The following ADGRF1 variants were observed in gnomAD, a reference collection of about 807,000 sequenced individuals.
ADGRF1 encodes the protein G protein-coupled receptor 110.
In ADGRF1, 85 loss-of-function variants were observed where a neutral mutation model predicts 87.2. That is an observed-to-expected ratio of 0.97 (90% CI 0.82 to 1.17). The LOEUF is 1.17. ADGRF1 is among the 50% of genes most tolerant of loss of function. ADGRF1 has a pLI of 0.00. For synonymous variants in ADGRF1, 430 were observed against 408.8 expected (o/e 1.05, Z -0.63); for missense variants, 1,169 against 1,077.2 (o/e 1.09, Z -1.19).
chr6:47,017,558 CA>C (rs1346823952), intron 7 of ADGRF1: 5 of 151,972 alleles, frequency 3.3e-5, no homozygotes, highest in African/African-American at 1.2e-4. Flanking sequence ...ATAATAACTC[CA>C]AGGAATGGAA....
intron 1 of ADGRF1, among the ~76,000 whole-genome samples, chr6:47,041,805 A>T (rs1237518107): frequency 2.0e-5 from 3 of 152,220 alleles, no homozygotes; most frequent in Non-Finnish European, 2.9e-5. Context: ...GGGTTAACGT[A>T]TTATGAATTA....
intron 4 of ADGRF1, 109 bp downstream of exon 4, chr6:47,025,745 A>T: frequency 2.0e-6 from 2 of 1,019,744 alleles, no homozygotes; most frequent in Non-Finnish European, 2.8e-6. Context: ...TTATTCTTTT[A>T]AATCACAGAG....
At chr6:47,007,113 A>G in intron 12 of ADGRF1, 140 bp downstream of exon 12, 1 of 492,438 alleles carries the variant, frequency 2.0e-6, no homozygotes, top group Non-Finnish European at 3.7e-6. Context: ...ACTGAGCCTG[A>G]CTTCTCTAAA....
intron 7 of ADGRF1, chr6:47,018,517 A>T (rs1396018741): frequency 4.7e-6 from 6 of 1,289,636 alleles, no homozygotes; most frequent in Non-Finnish European, 6.1e-6. Context: ...ATTACAGAGT[A>T]TTTTCCTGCT....
At position 47,031,743 on chromosome 6, in the gene ADGRF1, C is replaced by T. The variant is rs535023066; in HGVS notation, c.-43-2639G>A. Among the ~76,000 whole-genome samples, 13 of 152,128 alleles carry T rather than the reference C, an allele frequency of 8.5e-5. No individual in the cohort carries two copies. The East Asian group carries it at 9.7e-4, about 11-fold the overall frequency. ...ATATTATAATTATAATTATTATTAT[C>T]GAGACATGTTCTTGCTCTGTCACCC... is the stretch of plus-strand genomic sequence containing the variant. On this transcript the variant is annotated intron_variant, in intron 1 of 14. Transcript: ENST00000371253.
At position 47,009,788 on chromosome 6, in the gene ADGRF1, G is replaced by A; in HGVS notation, c.1647C>T (p.Cys549=). The change falls in exon 11 of 15, where the codon TGC becomes TGT. Residue 549 remains cysteine, a synonymous_variant. Transcript: ENST00000371253. ...TGTCTTGAGTTTCATTCACTAGGTGGCAGCCTGCATCGTTCCACTGCAAAT... is the reference window on the plus strand; with the variant it reads ...TGTCTTGAGTTTCATTCACTAGGTGACAGCCTGCATCGTTCCACTGCAAAT... ...FSHLQWNDAG[C]HLVNETQDIV... 6.2e-7 allele frequency: 1 copy of A among 1,614,140 alleles called. No individual in the cohort carries two copies. The highest frequency in any genetic ancestry group is 1.3e-5 in the African/African-American group (1 of 75,044).
Position 47,029,247 on chromosome 6 carries a change from ACAT to A in ADGRF1, c.-43-146_-43-144del, listed in dbSNP as rs1350615178. On this transcript the variant is annotated intron_variant, in intron 1 of 14. Transcript: ENST00000371253. Reference sequence around the variant, plus strand: ...ATGTTTCCACTCCACGGAACCTGTGACATCATGACTTCTGCTCCCATTGCAGAT... The same window carrying A: ...ATGTTTCCACTCCACGGAACCTGTGACATGACTTCTGCTCCCATTGCAGAT... 8.5e-6 allele frequency: 5 copies of A among 589,278 alleles called. No individual in the cohort carries two copies. In the African/African-American group the frequency reaches 9.3e-5, roughly 11 times the overall value. The allele number at this position is 589,278 out of a possible 1,614,324, so 36.5% of individuals were successfully genotyped here. A position where few individuals can be genotyped will look rare whatever the true frequency, so the allele number is the denominator to read the frequency against.
At chr6:47,025,489 TC>T (rs1334828493) in intron 4 of ADGRF1, among the ~76,000 whole-genome samples, 1 of 152,318 alleles carries the variant, frequency 6.6e-6, no homozygotes, top group East Asian at 1.9e-4. Context: ...CATATCCTAG[TC>T]CCCTGAAGTT....
chr6:47,029,099 C>A lies in ADGRF1; in HGVS notation c.-38G>T, dbSNP rs1780335128. ...GAACAGCAGCAGTCGGGTGCATAGT[C>A]TGTGACTAAACAAGCAGGGTACCAG... On this transcript the variant is annotated 5_prime_UTR_variant, in exon 2 of 15. Coordinates refer to ENST00000371253, the MANE Select transcript of ADGRF1 (RefSeq NM_153840.4). 3.9e-6 allele frequency: 6 copies of A among 1,549,040 alleles called. No individual in the cohort carries two copies. The highest frequency in any genetic ancestry group is 5.4e-6 in the Non-Finnish European group (6 of 1,120,758).
At chr6:47,031,270 TTCTCTCTC>T (rs375425604) in intron 1 of ADGRF1, among the ~76,000 whole-genome samples, 5 of 146,110 alleles carry the variant, frequency 3.4e-5, no homozygotes, top group Non-Finnish European at 6.1e-5. Context: ...TCTCTCTCTC[TTCTCTCTC>T]TCTCTCTCTC....
chr6:47,032,620 T>A (rs1055486171), intron 1 of ADGRF1, among the ~76,000 whole-genome samples: 1 of 152,210 alleles, frequency 6.6e-6, no homozygotes, highest in Non-Finnish European at 1.5e-5. Context: ...CCTTTGGAAT[T>A]GTCTCAGATT....
At chr6:47,018,415 T>A in intron 7 of ADGRF1, 1 of 1,286,036 alleles carries the variant, frequency 7.8e-7, no homozygotes, top group Non-Finnish European at 1.0e-6. Context: ...CTTACTACAT[T>A]GAACTTCTGC....
rs140931762 is a variant in ADGRF1, at chr6:47,008,998, C to G, written c.2437G>C (p.Asp813His). ...ACATGCCAAGCCAGATTCTGGCTGT[C>G]CACTATTGTTCCTATTCCAAAGCCC... ...TWGFGIGTIV[D>H]SQNLAWHVIF... The change falls in exon 11 of 15, where the codon GAC becomes CAC. Residue 813 changes from aspartate to histidine, a missense_variant. By Grantham distance (81) the Asp-to-His change is moderately conservative. Transcript: ENST00000371253. The G allele has an allele frequency of 2.9e-5, 46 of 1,612,388 alleles. No homozygotes were observed. The African/African-American group carries it at 5.9e-4, about 21-fold the overall frequency.
chr6:47,022,112 C>T (rs1226491), intron 5 of ADGRF1, 54 bp from the exon 6 acceptor site: 40,345 of 962,478 alleles, frequency 0.042, 3,828 homozygotes, highest in African/African-American at 0.28. Context: ...ACTTGATTTA[C>T]TAGTAGCATA....
chr6:47,015,277 C>G (rs1419190480), intron 8 of ADGRF1, among the ~76,000 whole-genome samples: 2 of 152,238 alleles, frequency 1.3e-5, no homozygotes, highest in African/African-American at 4.8e-5. Context: ...GTGGGTAGCA[C>G]TTCCTACCTG....
chr6:47,031,308 GTCTC>G (rs1780416230), intron 1 of ADGRF1, among the ~76,000 whole-genome samples: 1 of 92,458 alleles, frequency 1.1e-5, no homozygotes, highest in Non-Finnish European at 2.4e-5. Context: ...GACTCTCTCT[GTCTC>G]TCTGTCTCTC....
At chr6:47,037,704 G>A (rs1201963055) in intron 1 of ADGRF1, among the ~76,000 whole-genome samples, 1 of 152,056 alleles carries the variant, frequency 6.6e-6, no homozygotes, top group Admixed American at 6.5e-5. Flanking sequence ...GCAGAGACAT[G>A]GTCTTGACAT....
Position 47,020,809 on chromosome 6 carries a change from A to G in ADGRF1, c.553-20T>C, listed in dbSNP as rs73480739. 5.6e-4 allele frequency: 891 copies of G among 1,600,680 alleles called. 3 individuals are homozygous for G. The African/African-American group carries it at 0.01, about 19-fold the overall frequency. On this transcript the variant is annotated intron_variant, in intron 6 of 14. Coordinates refer to ENST00000371253, the MANE Select transcript of ADGRF1 (RefSeq NM_153840.4). ...TTTAAGCTTAGAAAGAGAACAAAGA[A>G]CAATGTGTTAATTGTTCTTCCCGTA...
intron 9 of ADGRF1, 28 bp from the exon 10 acceptor site, chr6:47,012,223 A>G (rs775866886): frequency 1.2e-6 from 2 of 1,601,908 alleles, no homozygotes; most frequent in Admixed American, 3.3e-5. Flanking sequence ...TAAGTTCTAG[A>G]AAACAATGAC....
Sources: allele counts gnomAD v4.1 joint callset (sites outside exome capture counted in the v4.1 genomes callset), GRCh38; gene constraint gnomAD v4.1.1; transcripts MANE v1.5; gene names NCBI Gene and HGNC (gene_info 2026-07-23, HGNC 2026-07-21).